Variants in TRERF1 observed in about 807,000 individuals in gnomAD.
TRERF1 encodes the protein transcriptional regulating factor 1, also known as transcriptional-regulating factor 1.
A neutral mutation model predicts 122.9 loss-of-function variants in TRERF1; 27 were observed. The ratio of observed to expected loss-of-function variants is 0.22; its 90% CI spans 0.16 to 0.30. The LOEUF (loss-of-function observed/expected upper bound fraction) is 0.30, where lower values mean the gene tolerates loss of function less well. Among genes scored for constraint, TRERF1 ranks in the 10% least tolerant of loss-of-function variants. The pLI is 1.00. For synonymous variants in TRERF1, 636 were observed against 641.7 expected, an observed-to-expected ratio of 0.99 and a Z score of 0.13; for missense variants, 1,248 against 1,560.3, an observed-to-expected ratio of 0.80 and a Z score of 3.37.
intron 2 of TRERF1, among the ~76,000 whole-genome samples, chr6:42,429,312 C>G (rs985575512): frequency 5.9e-5 from 9 of 152,146 alleles, no homozygotes; most frequent in African/African-American, 2.2e-4. Context: ...TGGCTGACAA[C>G]AGACTTTCCC....
intron 2 of TRERF1, among the ~76,000 whole-genome samples, chr6:42,388,689 G>A (rs1777212951): frequency 6.6e-6 from 1 of 152,154 alleles, no homozygotes; most frequent in African/African-American, 2.4e-5. Context: ...AGAACTCCCA[G>A]AATTAGCCCA....
At chr6:42,355,388 G>A (rs1390567995) in intron 3 of TRERF1, among the ~76,000 whole-genome samples, 1 of 152,136 alleles carries the variant, frequency 6.6e-6, no homozygotes, top group African/African-American at 2.4e-5. Flanking sequence ...TGCATTCCAG[G>A]AATATAATCT....
intron 15 of TRERF1, among the ~76,000 whole-genome samples, chr6:42,237,904 G>T (rs191446785): frequency 5.3e-5 from 8 of 152,292 alleles, no homozygotes; most frequent in African/African-American, 1.9e-4. Context: ...TATGAACAGG[G>T]TGTATTTAAG....
intron 4 of TRERF1, among the ~76,000 whole-genome samples, chr6:42,277,905 G>GAAGAAGAA (rs1321566764): frequency 8.3e-4 from 71 of 85,068 alleles, no homozygotes; most frequent in East Asian, 1.7e-3. Context: ...GAAGGAAGAA[G>GAAGAAGAA]GAAGAAGAAG....
chr6:42,238,354 C>T (rs1256311907), intron 15 of TRERF1, among the ~76,000 whole-genome samples: 3 of 152,174 alleles, frequency 2.0e-5, no homozygotes, highest in Non-Finnish European at 4.4e-5. Context: ...TCACACTGTA[C>T]CATGATTATG....
chr6:42,297,549 C>CA (rs1785319168), intron 4 of TRERF1, among the ~76,000 whole-genome samples: 1 of 152,216 alleles, frequency 6.6e-6, no homozygotes, highest in African/African-American at 2.4e-5. Context: ...ATGCACAACA[C>CA]AGAGACTGCA....
Position 42,269,674 on chromosome 6 carries a change from G to A in TRERF1, c.-84C>T, listed in dbSNP as rs1432540595. ...AAACCCAAAAGGACTGAAACCCTGAGAAGCTGAGAGAAAAGTGTCAGCACT... is the reference window on the plus strand; with the variant it reads ...AAACCCAAAAGGACTGAAACCCTGAAAAGCTGAGAGAAAAGTGTCAGCACT... On this transcript the variant is annotated 5_prime_UTR_variant, in exon 5 of 18. Coordinates refer to ENST00000372922, the Ensembl canonical transcript of TRERF1. The surrounding 1 kb of genome is among the most constrained non-coding windows in gnomAD (Gnocchi z 4.9). The A allele has an allele frequency of 1.1e-5, 17 of 1,496,076 alleles. No individual in the cohort carries two copies. The highest frequency in any genetic ancestry group is 1.5e-5 in the Non-Finnish European group (17 of 1,125,602). 92.7% of individuals were successfully genotyped at this position (1,496,076 alleles called of 1,614,324 possible).
At chr6:42,272,810 T>C (rs1157107567) in intron 4 of TRERF1, among the ~76,000 whole-genome samples, 1 of 152,200 alleles carries the variant, frequency 6.6e-6, no homozygotes, top group African/African-American at 2.4e-5. Context: ...TATTCTCTCC[T>C]TTGATAGCCT....
chr6:42,315,200 T>C (rs1391840999), intron 3 of TRERF1, among the ~76,000 whole-genome samples: 2 of 152,166 alleles, frequency 1.3e-5, no homozygotes, highest in African/African-American at 4.8e-5. Context: ...TCTAGAAACA[T>C]TTCTGTGTCA....
chr6:42,423,041 G>A (rs1458135259), intron 2 of TRERF1, among the ~76,000 whole-genome samples: 1 of 152,132 alleles, frequency 6.6e-6, no homozygotes, highest in East Asian at 1.9e-4. Context: ...GTTTCTCCAT[G>A]TTAGTCAGGC....
intron 3 of TRERF1, among the ~76,000 whole-genome samples, chr6:42,347,575 C>T (rs887037604): frequency 1.5e-4 from 23 of 152,282 alleles, no homozygotes; most frequent in South Asian, 4.2e-4. Flanking sequence ...AAATGCTGGT[C>T]ATGTCGGAGA....
intron 4 of TRERF1, among the ~76,000 whole-genome samples, chr6:42,294,878 C>T (rs1784840271): frequency 6.6e-6 from 1 of 152,178 alleles, no homozygotes; most frequent in African/African-American, 2.4e-5. Context: ...GTAAGCTCTC[C>T]ATGGGCAAGG....
intron 2 of TRERF1, among the ~76,000 whole-genome samples, chr6:42,405,611 A>G (rs1169832245): frequency 1.3e-5 from 2 of 152,056 alleles, no homozygotes; most frequent in African/African-American, 4.8e-5. Flanking sequence ...CCTGGCCAAC[A>G]TGATGAAACC....
At chr6:42,359,706 G>C (rs1449854970) in intron 3 of TRERF1, among the ~76,000 whole-genome samples, 1 of 152,176 alleles carries the variant, frequency 6.6e-6, no homozygotes, top group Non-Finnish European at 1.5e-5. Flanking sequence ...CCTGGTGACA[G>C]AGCGAGACTC....
At chr6:42,392,078 A>C (rs1777837352) in intron 2 of TRERF1, among the ~76,000 whole-genome samples, 1 of 152,096 alleles carries the variant, frequency 6.6e-6, no homozygotes, top group East Asian at 1.9e-4. Context: ...TCGACACCTG[A>C]CATTGTAGTA....
intron 3 of TRERF1, among the ~76,000 whole-genome samples, chr6:42,325,984 G>T (rs968853986): frequency 6.6e-6 from 1 of 152,120 alleles, no homozygotes; most frequent in African/African-American, 2.4e-5. Flanking sequence ...AGCTAAACAC[G>T]GGTACACATG....
At chr6:42,384,182 A>G (rs1165148653) in intron 2 of TRERF1, among the ~76,000 whole-genome samples, 1 of 152,186 alleles carries the variant, frequency 6.6e-6, no homozygotes, top group Non-Finnish European at 1.5e-5. Context: ...TACTCACTGC[A>G]GTATGATTTA....
chr6:42,434,228 G>A (rs1582209315), intron 2 of TRERF1, among the ~76,000 whole-genome samples: 1 of 152,002 alleles, frequency 6.6e-6, no homozygotes, highest in Non-Finnish European at 1.5e-5. Context: ...GGGAGGAGAG[G>A]ATTAAACAGC....
chr6:42,259,408 G>T lies in TRERF1; in HGVS notation c.2200C>A (p.Pro734Thr). Residue 734 changes from proline to threonine, a missense_variant, in exon 9 of 18, where the codon CCT becomes ACT. By Grantham distance (38) the Pro-to-Thr change is conservative. Transcript: ENST00000372922. The surrounding 1 kb of genome is among the most constrained non-coding windows in gnomAD (Gnocchi z 4.9). Reference sequence around the variant, plus strand: ...AGGGGCAGCTGCGGGTGGGCGCCAGGGCCGTGGCCGGAGATGAGGACATTG... The same window carrying T: ...AGGGGCAGCTGCGGGTGGGCGCCAGTGCCGTGGCCGGAGATGAGGACATTG... The T allele has an allele frequency of 6.5e-7, 1 of 1,546,728 alleles. No individual in the cohort carries two copies. The highest frequency in any genetic ancestry group is 8.7e-7 in the Non-Finnish European group (1 of 1,155,086).
Sources: gnomAD v4.1 joint callset for allele counts (sites outside exome capture counted in the v4.1 genomes callset) on GRCh38, gnomAD v4.1.1 for gene constraint, Gnocchi (gnomAD v3.1) non-coding constraint, MANE v1.5 for transcripts, NCBI Gene and HGNC (gene_info 2026-07-23, HGNC 2026-07-21) for gene names.